The following NRG2 variants were observed in gnomAD, a reference collection of about 807,000 sequenced individuals.
The protein encoded by NRG2 is pro-neuregulin-2, membrane-bound isoform.
A neutral mutation model predicts 73.9 loss-of-function variants in NRG2; 27 were observed. The observed-to-expected ratio is 0.37, with a 90% CI of 0.27 to 0.50. The LOEUF (loss-of-function observed/expected upper bound fraction) is 0.50. Ranked by LOEUF, NRG2 falls within the 20% of genes least tolerant of loss-of-function variation. The pLI is 0.96. For synonymous variants in NRG2, 532 were observed against 541.0 expected (o/e 0.98, Z 0.23); for missense variants, 1,126 against 1,210.1 (o/e 0.93, Z 1.03).
chr5:139,990,023 T>C lies in NRG2; in HGVS notation c.700+52347A>G, dbSNP rs577144164. Among the ~76,000 whole-genome samples, 946 of 151,302 alleles carry C rather than the reference T, an allele frequency of 6.3e-3. 7 individuals are homozygous for C. The highest frequency in any genetic ancestry group is 0.017 in the Middle Eastern group (5 of 294). ...CAGGATGGTCTTGATCTCCTGACCT[T>C]GTGATCCGCCCACCTCGGCCTCCCA... On this transcript the variant is annotated intron_variant, in intron 1 of 9. Transcript: ENST00000361474.
intron 1 of NRG2, among the ~76,000 whole-genome samples, chr5:140,036,092 G>A (rs764931203): frequency 6.6e-6 from 1 of 152,154 alleles, no homozygotes; most frequent in Non-Finnish European, 1.5e-5. Flanking sequence ...GACAGGCTCC[G>A]GAAGTGTCAG....
chr5:139,940,945 GA>G (rs991319395), intron 1 of NRG2, among the ~76,000 whole-genome samples: 26 of 152,194 alleles, frequency 1.7e-4, no homozygotes, highest in African/African-American at 6.0e-4. Flanking sequence ...ATACTTCTTT[GA>G]AGAAGTTATA....
chr5:139,936,445 C>T (rs1355987616), intron 1 of NRG2, among the ~76,000 whole-genome samples: 3 of 152,134 alleles, frequency 2.0e-5, no homozygotes, highest in African/African-American at 7.2e-5. Context: ...ACTACTAATA[C>T]TCACTCAAAA....
chr5:139,875,192 T>G (rs1763095835), intron 3 of NRG2, among the ~76,000 whole-genome samples: 1 of 152,120 alleles, frequency 6.6e-6, no homozygotes, highest in African/African-American at 2.4e-5. Flanking sequence ...TTGTATTTTT[T>G]AGTAGAGATG....
chr5:139,960,092 G>A (rs1220198844), intron 1 of NRG2, among the ~76,000 whole-genome samples: 1 of 152,200 alleles, frequency 6.6e-6, no homozygotes, highest in South Asian at 2.1e-4. Context: ...CACATCAATT[G>A]CCACTAAATG....
intron 1 of NRG2, among the ~76,000 whole-genome samples, chr5:139,987,639 T>C (rs1486672420): frequency 2.0e-5 from 3 of 152,208 alleles, no homozygotes; most frequent in Non-Finnish European, 2.9e-5. Flanking sequence ...AAAGGACAGG[T>C]GGATGTTGCC....
At chr5:139,931,671 A>C (rs979846224) in intron 1 of NRG2, among the ~76,000 whole-genome samples, 1 of 152,252 alleles carries the variant, frequency 6.6e-6, no homozygotes, top group African/African-American at 2.4e-5. Context: ...GAAACAAACA[A>C]GTAGGGAATC....
intron 2 of NRG2, among the ~76,000 whole-genome samples, chr5:139,885,357 C>T (rs1417510937): frequency 3.9e-5 from 6 of 152,180 alleles, no homozygotes; most frequent in Non-Finnish European, 7.3e-5. Flanking sequence ...CAGGCCGAGG[C>T]CGCTGAGAGG....
chr5:139,938,904 GA>G (rs5871717), intron 1 of NRG2, among the ~76,000 whole-genome samples: 8,921 of 47,616 alleles, frequency 0.19, 715 homozygotes, highest in East Asian at 0.25. Context: ...AAGAAAGAAA[GA>G]AAAGAAAGAA....
chr5:139,848,758 G>A (rs901323392), intron 9 of NRG2, 61 bp from the exon 10 acceptor site: 25 of 718,674 alleles, frequency 3.5e-5, no homozygotes, highest in African/African-American at 8.3e-5. Context: ...GGGAGGGGGG[G>A]TTGGGGGTGG....
intron 1 of NRG2, among the ~76,000 whole-genome samples, chr5:139,919,452 A>T (rs1751502592): frequency 6.6e-6 from 1 of 152,156 alleles, no homozygotes; most frequent in African/African-American, 2.4e-5. Flanking sequence ...CTCTGGTTAC[A>T]CATCTTAGCC....
intron 1 of NRG2, among the ~76,000 whole-genome samples, chr5:139,990,047 C>A (rs1204447718): frequency 1.5e-4 from 23 of 151,692 alleles, no homozygotes; most frequent in African/African-American, 1.9e-4. Context: ...CTCGGCCTCC[C>A]AAAGTGCTGG....
chr5:139,928,477 C>T (rs548604078), intron 1 of NRG2, among the ~76,000 whole-genome samples: 9 of 152,284 alleles, frequency 5.9e-5, no homozygotes, highest in Admixed American at 3.9e-4. Context: ...TTGTCTCATT[C>T]TTCCACTAAT....
intron 1 of NRG2, among the ~76,000 whole-genome samples, chr5:140,020,462 C>T (rs116025871): frequency 8.9e-4 from 136 of 152,212 alleles, no homozygotes; most frequent in Non-Finnish European, 1.7e-3. Context: ...AAACTGTTAA[C>T]CAAAATGCAT....
At chr5:140,022,523 A>T (rs1264401759) in intron 1 of NRG2, among the ~76,000 whole-genome samples, 1 of 152,202 alleles carries the variant, frequency 6.6e-6, no homozygotes, top group Non-Finnish European at 1.5e-5. Context: ...TCCAATAAAC[A>T]TTTGATCTAC....
At chr5:140,003,997 A>G (rs994493689) in intron 1 of NRG2, among the ~76,000 whole-genome samples, 1 of 152,142 alleles carries the variant, frequency 6.6e-6, no homozygotes, top group Admixed American at 6.6e-5. Context: ...ATGGCCTTTA[A>G]ATAAACTAAG....
chr5:139,869,113 C>T lies in NRG2; in HGVS notation c.1112+2608G>A, dbSNP rs771549377. On this transcript the variant is annotated intron_variant, in intron 4 of 9. Coordinates refer to ENST00000361474, the MANE Select transcript of NRG2 (RefSeq NM_004883.3). The surrounding 1 kb of genome is among the most constrained non-coding windows in gnomAD (Gnocchi z 4.5). Reference sequence around the variant, plus strand: ...GGACTCCCATTTTCAAATCCCCCTACGTTGTCTTTTTTTAAAACAAAATTC... The same window carrying T: ...GGACTCCCATTTTCAAATCCCCCTATGTTGTCTTTTTTTAAAACAAAATTC... Among the ~76,000 whole-genome samples, 14 of 152,058 alleles carry T rather than the reference C, an allele frequency of 9.2e-5. No individual in the cohort carries two copies. Among genetic ancestry groups the T allele is most frequent in the Non-Finnish European group, 1.9e-4 (13 of 67,998 alleles).
intron 1 of NRG2, among the ~76,000 whole-genome samples, chr5:139,978,658 A>T (rs1561724346): frequency 6.6e-6 from 1 of 152,224 alleles, no homozygotes; most frequent in African/African-American, 2.4e-5. Context: ...AAACATATAA[A>T]ACATGCTGCT....
At chr5:139,937,059 C>A (rs988363812) in intron 1 of NRG2, among the ~76,000 whole-genome samples, 2 of 152,216 alleles carry the variant, frequency 1.3e-5, no homozygotes, top group African/African-American at 4.8e-5. Context: ...GCCTTGGCCT[C>A]CCAAACTGTT....
Sources: gnomAD v4.1 joint callset for allele counts (sites outside exome capture counted in the v4.1 genomes callset) on GRCh38, gnomAD v4.1.1 for gene constraint, Gnocchi (gnomAD v3.1) non-coding constraint, MANE v1.5 for transcripts, NCBI Gene and HGNC (gene_info 2026-07-23, HGNC 2026-07-21) for gene names.